Variants in TMED8 observed in about 807,000 individuals in gnomAD.
TMED8 encodes the protein transmembrane p24 trafficking protein family member 8.
TMED8 carries 15 observed loss-of-function variants against 32.7 expected under a neutral mutation model. The ratio of observed to expected loss-of-function variants is 0.46; its 90% CI spans 0.31 to 0.71. The LOEUF (loss-of-function observed/expected upper bound fraction) is 0.71, where lower values mean the gene tolerates loss of function less well. TMED8 is among the 30% of genes least tolerant of loss of function. The probability of loss-of-function intolerance (pLI) is 0.06; values close to 1 mark genes in which losing one functional copy is unlikely to be tolerated. For missense variants in TMED8, 390 were observed against 423.9 expected (o/e 0.92, Z 0.70); for synonymous variants, 147 against 161.4 (o/e 0.91, Z 0.68).
intron 2 of TMED8, among the ~76,000 whole-genome samples, chr14:77,349,774 T>C (rs1211290212): frequency 6.6e-6 from 1 of 152,184 alleles, no homozygotes; most frequent in Non-Finnish European, 1.5e-5. Context: ...ATTTTGTTGA[T>C]TGCAAGATGC....
At chr14:77,349,014 C>T (rs1281091405) in intron 2 of TMED8, among the ~76,000 whole-genome samples, 1 of 151,652 alleles carries the variant, frequency 6.6e-6, no homozygotes, top group Non-Finnish European at 1.5e-5. Flanking sequence ...GCCTCCTCTA[C>T]TAGAAAGTAA....
intron 1 of TMED8, among the ~76,000 whole-genome samples, chr14:77,363,102 G>C (rs1404623198): frequency 6.6e-6 from 1 of 152,168 alleles, no homozygotes; most frequent in East Asian, 1.9e-4. Flanking sequence ...TACTAGGCTT[G>C]AACTACACTT....
intron 1 of TMED8, among the ~76,000 whole-genome samples, chr14:77,364,168 T>C (rs1047118894): frequency 6.6e-6 from 1 of 152,258 alleles, no homozygotes; most frequent in African/African-American, 2.4e-5. Context: ...ACTTCTCTTA[T>C]CTTTTAATGC....
rs768810185 is a variant in TMED8 at position 77,342,003 on chromosome 14, TG to T, written c.761-16del. 2.6e-5 allele frequency: 42 copies of T among 1,612,566 alleles called. No homozygotes were observed. The highest frequency in any genetic ancestry group is 3.5e-5 in the Non-Finnish European group (41 of 1,179,406). On this transcript the variant is annotated splice_polypyrimidine_tract_variant and intron_variant, in intron 5 of 5. Coordinates refer to ENST00000216468, the MANE Select transcript of TMED8 (RefSeq NM_213601.3). The stretch of plus-strand genomic sequence containing the variant: ...TGGAACGGGTTCTGCGTGAGCAAAA[TG>T]GCAAAGTGTTCAGAGACTGCGTAAG...
intron 1 of TMED8, among the ~76,000 whole-genome samples, chr14:77,354,136 A>G (rs957598336): frequency 6.6e-6 from 1 of 152,218 alleles, no homozygotes; most frequent in African/African-American, 2.4e-5. Flanking sequence ...AGGAGCCAAA[A>G]TGAACAACTT....
intron 1 of TMED8, among the ~76,000 whole-genome samples, chr14:77,353,776 T>C (rs1193040025): frequency 6.6e-6 from 1 of 152,112 alleles, no homozygotes; most frequent in East Asian, 1.9e-4. Flanking sequence ...CTATTTTTCT[T>C]TGGGTCAATT....
chr14:77,346,321 TAAGA>T lies in TMED8; in HGVS notation c.327+24_327+27del, dbSNP rs755371056. The T allele has an allele frequency of 5.1e-5, 82 of 1,611,348 alleles. 1 individual carries two copies. The African/African-American group carries it at 9.7e-4, about 19-fold the overall frequency. On this transcript the variant is annotated intron_variant, in intron 3 of 5. Coordinates refer to ENST00000216468, the MANE Select transcript of TMED8 (RefSeq NM_213601.3). ...GTCCACATTCTGGTGCCTCCTTTCA[TAAGA>T]AAGAGCCAGAATCTGCCCCCTACCT...
intron 1 of TMED8, among the ~76,000 whole-genome samples, chr14:77,353,720 C>CA (rs1234653657): frequency 6.6e-6 from 1 of 151,932 alleles, no homozygotes; most frequent in Non-Finnish European, 1.5e-5. Context: ...CTCAGCCTCC[C>CA]AAAGTGCTGA....
At chr14:77,345,447 C>T (rs2139605270) in intron 3 of TMED8, among the ~76,000 whole-genome samples, 1 of 152,202 alleles carries the variant, frequency 6.6e-6, no homozygotes, top group South Asian at 2.1e-4. Flanking sequence ...CTAATACCAA[C>T]CATTATTCTA....
At chr14:77,343,917 T>C in intron 3 of TMED8, 94 bp from the exon 4 acceptor site, 16 of 1,335,454 alleles carry the variant, frequency 1.2e-5, no homozygotes, top group Non-Finnish European at 1.6e-5. Context: ...TGCTCTATTA[T>C]CTCCACTATC....
At chr14:77,343,647 T>C (rs771102195) in intron 4 of TMED8, 50 bp downstream of exon 4, 8 of 1,604,838 alleles carry the variant, frequency 5.0e-6, no homozygotes, top group Non-Finnish European at 6.8e-6. Flanking sequence ...CTGCCTTTCT[T>C]TGAGTATCTA....
intron 1 of TMED8, among the ~76,000 whole-genome samples, chr14:77,368,560 C>T (rs1162986190): frequency 6.6e-6 from 1 of 152,162 alleles, no homozygotes; most frequent in Non-Finnish European, 1.5e-5. Context: ...TCACTGCAAC[C>T]TCCGCCTCCT....
At chr14:77,363,923 C>G (rs1566692470) in intron 1 of TMED8, among the ~76,000 whole-genome samples, 1 of 152,144 alleles carries the variant, frequency 6.6e-6, no homozygotes, top group Non-Finnish European at 1.5e-5. Flanking sequence ...ATATTGCAAA[C>G]TGTGCTACAA....
At chr14:77,358,675 A>G (rs1708468173) in intron 1 of TMED8, among the ~76,000 whole-genome samples, 1 of 152,210 alleles carries the variant, frequency 6.6e-6, no homozygotes, top group Non-Finnish European at 1.5e-5. Context: ...CTGGATCTTA[A>G]TAATATTCAC....
chr14:77,359,647 A>G, intron 1 of TMED8: 1 of 336,790 alleles, frequency 3.0e-6, no homozygotes, highest in Non-Finnish European at 5.8e-6. Context: ...GGAGTAATGA[A>G]ACCTGGCCTC....
At chr14:77,347,625 G>C (rs1472137978) in intron 2 of TMED8, among the ~76,000 whole-genome samples, 1 of 152,174 alleles carries the variant, frequency 6.6e-6, no homozygotes, top group Non-Finnish European at 1.5e-5. Flanking sequence ...GGCTGGTCTT[G>C]AACTCCCGAC....
chr14:77,368,618 C>G (rs1406707862), intron 1 of TMED8, among the ~76,000 whole-genome samples: 1 of 152,140 alleles, frequency 6.6e-6, no homozygotes, highest in Non-Finnish European at 1.5e-5. Flanking sequence ...GCTGGGACTA[C>G]AGGCACGTGC....
intron 1 of TMED8, among the ~76,000 whole-genome samples, chr14:77,362,495 G>A (rs1893462206): frequency 6.6e-6 from 1 of 151,962 alleles, no homozygotes; most frequent in Non-Finnish European, 1.5e-5. Flanking sequence ...AAATAATAAA[G>A]AGAAAGGAAT....
chr14:77,362,143 T>A (rs1893453667), intron 1 of TMED8, among the ~76,000 whole-genome samples: 1 of 152,156 alleles, frequency 6.6e-6, no homozygotes, highest in African/African-American at 2.4e-5. Context: ...ACATATAAGA[T>A]CATGTCATCT....
Sources: gnomAD v4.1 joint callset for allele counts (sites outside exome capture counted in the v4.1 genomes callset) on GRCh38, gnomAD v4.1.1 for gene constraint, MANE v1.5 for transcripts, NCBI Gene and HGNC (gene_info 2026-07-23, HGNC 2026-07-21) for gene names.